The following SIPA1L2 variants were observed in gnomAD, a reference collection of about 807,000 sequenced individuals.
SIPA1L2 encodes the protein signal-induced proliferation-associated 1-like protein 2.
SIPA1L2 carries 56 observed loss-of-function variants against 163.9 expected under a neutral mutation model. That is an observed-to-expected ratio of 0.34 (90% CI 0.28 to 0.43). SIPA1L2 has a LOEUF of 0.43. SIPA1L2 is among the 20% of genes least tolerant of loss of function. The pLI is 1.00. For missense variants in SIPA1L2, 1,974 were observed against 2,193.5 expected, an observed-to-expected ratio of 0.90 and a Z score of 2.00; for synonymous variants, 877 against 865.7, an observed-to-expected ratio of 1.01 and a Z score of -0.23.
In SIPA1L2 at chr1:232,461,138, A is replaced by T. The variant is rs78754419; in HGVS notation, c.2844T>A (p.Thr948=). Residue 948 remains threonine (T), a synonymous_variant, in exon 10 of 23, where the codon ACT becomes ACA. Transcript: ENST00000674635. ...CGTTCCTCCTCAGGGTCATTTCCAC[A>T]GTCTCGCAGCCTCTCGTCACTATCT... is the stretch of plus-strand genomic sequence containing the variant. ...RLVIVTRGCE[T]VEMTLRRNGL... 1.7e-4 allele frequency: 282 copies of T among 1,614,248 alleles called. 3 individuals carry two copies. The East Asian group carries it at 6.2e-3, about 35-fold the overall frequency.
chr1:232,538,754 T>C (rs1486733249), intron 2 of SIPA1L2, among the ~76,000 whole-genome samples: 1 of 151,614 alleles, frequency 6.6e-6, no homozygotes, highest in Non-Finnish European at 1.5e-5. Context: ...TTTCAATAAT[T>C]TGATGATCAC....
At position 232,402,421 on chromosome 1, in the gene SIPA1L2, G is replaced by T. The variant is rs747122798; in HGVS notation, c.4993C>A (p.Leu1665Ile). 6.2e-6 allele frequency: 10 copies of T among 1,613,522 alleles called. No homozygotes were observed. The African/African-American group carries it at 9.3e-5, about 15-fold the overall frequency. The change falls in exon 22 of 23, where the codon CTT becomes ATT. Residue 1665 changes from leucine to isoleucine, a missense_variant. Leu to Ile is a conservative substitution (Grantham distance 5). Around this residue, in one of 3 missense-constraint regions of SIPA1L2, gnomAD observed 1,079 missense variants for 1,150.7 expected, o/e 0.94. Transcript: ENST00000674635. The part of the protein sequence containing the change: ...TGKVNQLELI[L>I]RQLQTDLRKE... Reference sequence around the variant, plus strand: ...CGAAGGTCGGTCTGGAGTTGTCGAAGAATTAATTCCAGCTGATTGACTTTC... The same window carrying T: ...CGAAGGTCGGTCTGGAGTTGTCGAATAATTAATTCCAGCTGATTGACTTTC...
chr1:232,527,317 C>T (rs764762414), intron 2 of SIPA1L2, among the ~76,000 whole-genome samples: 1 of 152,180 alleles, frequency 6.6e-6, no homozygotes, highest in Non-Finnish European at 1.5e-5. Context: ...CTTCAGAAAA[C>T]AAAGTTTCCT....
Position 232,549,095 on chromosome 1 carries a change from T to G in SIPA1L2, c.-270+25079A>C, listed in dbSNP as rs192864261. 4.5e-4 allele frequency among the ~76,000 whole-genome samples: 68 copies of G among 152,288 alleles called. No individual in the cohort carries two copies. In the East Asian group the frequency reaches 0.012, roughly 27 times the overall value. On this transcript the variant is annotated intron_variant, in intron 2 of 22. Transcript: ENST00000674635. ...CAGGATTTGCACACCAAAAGGGACA[T>G]GGAGCTTTCATGCTGGGTCTGTGCC...
At chr1:232,462,117 C>G (rs960026467) in intron 9 of SIPA1L2, 2 of 1,059,562 alleles carry the variant, frequency 1.9e-6, no homozygotes, top group African/African-American at 3.2e-5. Flanking sequence ...CAAAAAGGAA[C>G]ATGAAAGAAG....
At chr1:232,548,509 TCAAA>T (rs1658182344) in intron 2 of SIPA1L2, among the ~76,000 whole-genome samples, 1 of 152,342 alleles carries the variant, frequency 6.6e-6, no homozygotes, top group South Asian at 2.1e-4. Context: ...TTTTACAACC[TCAAA>T]CAATGGTAAG....
chr1:232,614,373 C>T (rs149797057), intron 1 of SIPA1L2, among the ~76,000 whole-genome samples: 40 of 152,300 alleles, frequency 2.6e-4, no homozygotes, highest in African/African-American at 8.9e-4. Flanking sequence ...AAGTTTCGTA[C>T]TTCAGTTCAG....
intron 18 of SIPA1L2, among the ~76,000 whole-genome samples, chr1:232,418,126 A>G (rs1327719012): frequency 2.0e-5 from 3 of 152,248 alleles, no homozygotes; most frequent in South Asian, 4.1e-4. Flanking sequence ...GCTAAAATCA[A>G]GCCTAACACA....
At position 232,425,804 on chromosome 1, in the gene SIPA1L2, G is replaced by A. The variant is rs150962063; in HGVS notation, c.4415C>T (p.Ser1472Leu). 30 of 1,613,142 alleles carry A rather than the reference G, an allele frequency of 1.9e-5. No homozygotes were observed. The highest frequency in any genetic ancestry group is 2.2e-5 in the East Asian group (1 of 44,874). The change falls in exon 18 of 23, where the codon TCG (serine) becomes TTG (leucine). Residue 1472 changes from serine (S) to leucine (L), a missense_variant. Coordinates refer to ENST00000674635, the MANE Select transcript of SIPA1L2 (RefSeq NM_020808.5). The part of the protein sequence containing the change: ...PLVEEGRRKF[S>L]FYGNLSPRRS... Reference sequence around the variant, plus strand: ...CCTTGGAGACAGGTTCCCATAGAACGAAAACTAGGGTTTAAACAAGGTGCG... The same window carrying A: ...CCTTGGAGACAGGTTCCCATAGAACAAAAACTAGGGTTTAAACAAGGTGCG...
In SIPA1L2 at chr1:232,425,648, G is replaced by A. The variant is rs1661850533; in HGVS notation, c.4571C>T (p.Pro1524Leu). 1 of 1,613,052 alleles carries A rather than the reference G, an allele frequency of 6.2e-7. No homozygotes were observed. The highest frequency in any genetic ancestry group is 8.5e-7 in the Non-Finnish European group (1 of 1,179,740). ...CCGCGGAGGCAGCGTGCTGTGGTAGGGTGGGGTGGTGCTGAACAGAATGTC... is the reference window on the plus strand; with the variant it reads ...CCGCGGAGGCAGCGTGCTGTGGTAGAGTGGGGTGGTGCTGAACAGAATGTC... ...PNDILFSTTP[P>L]YHSTLPPRAH... The change falls in exon 18 of 23, where the codon CCC becomes CTC. Residue 1524 changes from proline (P) to leucine (L), a missense_variant. Physicochemically the swap from Pro to Leu is moderately conservative, Grantham distance 98. Coordinates refer to ENST00000674635, the MANE Select transcript of SIPA1L2 (RefSeq NM_020808.5).
At chr1:232,563,956 C>CGTGTGT (rs34854572) in intron 2 of SIPA1L2, among the ~76,000 whole-genome samples, 1,056 of 72,108 alleles carry the variant, frequency 0.015, 42 homozygotes, top group African/African-American at 0.049. Context: ...TTTTTTTTTT[C>CGTGTGT]GTGTGTGTGT....
At chr1:232,620,649 GC>G (rs1662753701) in intron 1 of SIPA1L2, among the ~76,000 whole-genome samples, 2 of 152,206 alleles carry the variant, frequency 1.3e-5, no homozygotes, top group African/African-American at 2.4e-5. Context: ...AGATTTAACT[GC>G]CCTAAAATTA....
chr1:232,420,827 T>TC (rs1252474487), intron 18 of SIPA1L2, among the ~76,000 whole-genome samples: 4 of 151,246 alleles, frequency 2.6e-5, no homozygotes, highest in African/African-American at 7.4e-5. Context: ...AGAGTGAGAC[T>TC]CCGTCTCAAA....
chr1:232,404,075 A>C, intron 20 of SIPA1L2, 50 bp downstream of exon 20: 3 of 1,603,152 alleles, frequency 1.9e-6, no homozygotes, highest in African/African-American at 1.3e-5. Context: ...TGAAATATAC[A>C]GAAAAGGTTA....
intron 2 of SIPA1L2, among the ~76,000 whole-genome samples, chr1:232,562,025 C>T (rs533421379): frequency 1.3e-5 from 2 of 152,172 alleles, no homozygotes. Flanking sequence ...CGAGTAAATA[C>T]GGCTTCAAAT....
chr1:232,435,519 A>C (rs2102844230), intron 15 of SIPA1L2, among the ~76,000 whole-genome samples: 1 of 152,348 alleles, frequency 6.6e-6, no homozygotes, highest in Admixed American at 6.5e-5. Context: ...TTTCGGAGTT[A>C]TACTGCTGAC....
intron 7 of SIPA1L2, 22 bp from the exon 8 acceptor site, chr1:232,471,550 G>A (rs1225448788): frequency 6.4e-7 from 1 of 1,569,626 alleles, no homozygotes; most frequent in East Asian, 2.3e-5. Flanking sequence ...AAAGTGAAGA[G>A]TTACAAATAA....
intron 19 of SIPA1L2, among the ~76,000 whole-genome samples, chr1:232,409,506 C>T (rs993201822): frequency 1.5e-4 from 23 of 152,300 alleles, no homozygotes; most frequent in Admixed American, 9.8e-4. Flanking sequence ...CCTGGAATAC[C>T]GGCCTTGTGA....
rs1227969606 is a variant in SIPA1L2, at chr1:232,428,520, T to C, written c.4301A>G (p.Gln1434Arg). The change falls in exon 17 of 23, where the codon CAG becomes CGG. Residue 1434 changes from glutamine (Q) to arginine (R), a missense_variant. By Grantham distance (43) the Gln-to-Arg change is conservative. Around this residue, in one of 3 missense-constraint regions of SIPA1L2, gnomAD observed 1,079 missense variants for 1,150.7 expected, o/e 0.94. Transcript: ENST00000674635. ...MDVMSTATQH[Q>R]TVVGDAVAET... ...TGCAACAGCATCTCCCACCACTGTC[T>C]GATGCTGAGTTGCTGTGGACATGAC... The C allele has an allele frequency of 6.3e-7, 1 of 1,592,748 alleles. No homozygotes were observed. The highest frequency in any genetic ancestry group is 1.4e-5 in the African/African-American group (1 of 73,572).
Sources: allele counts gnomAD v4.1 joint callset (sites outside exome capture counted in the v4.1 genomes callset), GRCh38; gene constraint gnomAD v4.1.1; regional missense constraint gnomAD v4.1.1; transcripts MANE v1.5; gene names NCBI Gene and HGNC (gene_info 2026-07-23, HGNC 2026-07-21).